The following CTNNA3 variants were observed in gnomAD, a reference collection of about 807,000 sequenced individuals.
CTNNA3 encodes catenin alpha-3.
A neutral mutation model predicts 95.7 loss-of-function variants in CTNNA3; 76 were observed. The observed-to-expected ratio is 0.79, with a 90% CI of 0.66 to 0.96. The LOEUF (loss-of-function observed/expected upper bound fraction) is 0.96. CTNNA3 is among the 40% of genes least tolerant of loss of function. CTNNA3 has a pLI of 0.00. For missense variants in CTNNA3, 1,191 were observed against 1,089.8 expected, an observed-to-expected ratio of 1.09 and a Z score of -1.31; for synonymous variants, 431 against 374.4, an observed-to-expected ratio of 1.15 and a Z score of -1.74.
chr10:66,219,859 C>T (rs1246194837), intron 13 of CTNNA3, among the ~76,000 whole-genome samples: 1 of 152,160 alleles, frequency 6.6e-6, no homozygotes, highest in South Asian at 2.1e-4. Context: ...TGCAGTGGCT[C>T]ACACCTGTAA....
chr10:66,018,072 C>A (rs1307314136), intron 15 of CTNNA3, among the ~76,000 whole-genome samples: 1 of 151,896 alleles, frequency 6.6e-6, no homozygotes, highest in South Asian at 2.1e-4. Context: ...CGTCCAGAAA[C>A]AAGTGTGACA....
At chr10:66,383,384 C>T (rs1054734458) in intron 11 of CTNNA3, among the ~76,000 whole-genome samples, 2 of 151,914 alleles carry the variant, frequency 1.3e-5, no homozygotes, top group Admixed American at 6.6e-5. Context: ...AGTGAGAAGA[C>T]AAGGTTAGAC....
In CTNNA3 at chr10:67,629,939, G is replaced by A. The variant is rs886389870; in HGVS notation, c.99+17476C>T. Among the ~76,000 whole-genome samples, 5 of 152,040 alleles carry A rather than the reference G, an allele frequency of 3.3e-5. No homozygotes were observed. In the East Asian group the frequency reaches 9.6e-4, roughly 29 times the overall value. On this transcript the variant is annotated intron_variant, in intron 2 of 17. Transcript: ENST00000433211. ...ACCTAATAGAACTGTTTAACCCTAGGTACTAACTGCTTAAATCTCAGAATA... is the reference window on the plus strand; with the variant it reads ...ACCTAATAGAACTGTTTAACCCTAGATACTAACTGCTTAAATCTCAGAATA...
At chr10:66,866,219 C>G (rs1018520371) in intron 7 of CTNNA3, among the ~76,000 whole-genome samples, 3 of 152,170 alleles carry the variant, frequency 2.0e-5, no homozygotes, top group Non-Finnish European at 2.9e-5. Context: ...TCCTGCCTGT[C>G]AGTACAGGGC....
intron 2 of CTNNA3, among the ~76,000 whole-genome samples, chr10:67,630,159 A>G (rs377753778): frequency 1.3e-5 from 2 of 152,198 alleles, no homozygotes; most frequent in Admixed American, 6.5e-5. Context: ...TGGAGACTTA[A>G]CAAAAGGAAC....
intron 12 of CTNNA3, among the ~76,000 whole-genome samples, chr10:66,311,721 A>T (rs1203505054): frequency 6.6e-6 from 1 of 152,212 alleles, no homozygotes; most frequent in Non-Finnish European, 1.5e-5. Flanking sequence ...ACAACTAAAA[A>T]TTTCTACATG....
At chr10:67,447,807 G>C (rs1421960846) in intron 5 of CTNNA3, among the ~76,000 whole-genome samples, 1 of 152,114 alleles carries the variant, frequency 6.6e-6, no homozygotes, top group South Asian at 2.1e-4. Flanking sequence ...GTCTCCCCAA[G>C]AGCAGAGACT....
intron 12 of CTNNA3, among the ~76,000 whole-genome samples, chr10:66,289,452 G>A (rs1433923181): frequency 6.6e-6 from 1 of 151,224 alleles, no homozygotes; most frequent in African/African-American, 2.4e-5. Context: ...TTAACTTCGG[G>A]GAGCCCAAAT....
intron 3 of CTNNA3, among the ~76,000 whole-genome samples, chr10:67,604,595 G>A (rs575220559): frequency 6.6e-6 from 1 of 152,254 alleles, no homozygotes; most frequent in African/African-American, 2.4e-5. Context: ...GAGACAACAA[G>A]GAGAAAAAAT....
At chr10:66,690,932 C>A (rs572956918) in intron 9 of CTNNA3, among the ~76,000 whole-genome samples, 1 of 152,302 alleles carries the variant, frequency 6.6e-6, no homozygotes, top group South Asian at 2.1e-4. Flanking sequence ...AGTTTGCAGT[C>A]CCACCAACAG....
intron 10 of CTNNA3, among the ~76,000 whole-genome samples, chr10:66,612,574 G>A (rs904688104): frequency 6.6e-6 from 1 of 152,030 alleles, no homozygotes; most frequent in Non-Finnish European, 1.5e-5. Context: ...GGGGGAGGTG[G>A]AAGTTGTGTC....
At chr10:66,002,969 AC>A (rs1245648569) in intron 15 of CTNNA3, among the ~76,000 whole-genome samples, 1 of 152,202 alleles carries the variant, frequency 6.6e-6, no homozygotes, top group Non-Finnish European at 1.5e-5. Flanking sequence ...CATTTCAGCA[AC>A]AAAAGGCTGT....
intron 16 of CTNNA3, among the ~76,000 whole-genome samples, chr10:65,977,544 G>A (rs1298906161): frequency 6.6e-6 from 1 of 152,078 alleles, no homozygotes; most frequent in East Asian, 1.9e-4. Flanking sequence ...ATTTTGGGAG[G>A]CTGAGGCAGG....
At chr10:66,209,426 A>T (rs528214985) in intron 13 of CTNNA3, among the ~76,000 whole-genome samples, 1 of 152,202 alleles carries the variant, frequency 6.6e-6, no homozygotes, top group Non-Finnish European at 1.5e-5. Context: ...CCTAAGGTAC[A>T]TCTCAATGAT....
At chr10:67,404,902 A>G (rs1358099564) in intron 5 of CTNNA3, among the ~76,000 whole-genome samples, 1 of 152,220 alleles carries the variant, frequency 6.6e-6, no homozygotes, top group Non-Finnish European at 1.5e-5. Context: ...ATTGGGGGAC[A>G]ATATTCAACA....
At chr10:66,363,785 A>G (rs577967259) in intron 12 of CTNNA3, among the ~76,000 whole-genome samples, 1 of 152,318 alleles carries the variant, frequency 6.6e-6, no homozygotes, top group East Asian at 1.9e-4. Flanking sequence ...ATCACATGAA[A>G]TCTAACCAAG....
intron 7 of CTNNA3, among the ~76,000 whole-genome samples, chr10:67,026,301 T>C (rs1445910310): frequency 6.6e-6 from 1 of 152,082 alleles, no homozygotes; most frequent in Non-Finnish European, 1.5e-5. Context: ...CTTATGACCA[T>C]CTGGCAATCC....
upstream of CTNNA3, among the ~76,000 whole-genome samples, chr10:67,700,597 A>C (rs1346435231): frequency 6.6e-6 from 1 of 152,212 alleles, no homozygotes; most frequent in Non-Finnish European, 1.5e-5. Flanking sequence ...AACAAACAGA[A>C]AGGACATCCA....
At chr10:66,876,275 T>C (rs993034791) in intron 7 of CTNNA3, among the ~76,000 whole-genome samples, 1 of 152,072 alleles carries the variant, frequency 6.6e-6, no homozygotes, top group African/African-American at 2.4e-5. Flanking sequence ...ACTGAGCATA[T>C]ATTAGGATAA....
Sources: gnomAD v4.1 joint callset for allele counts (sites outside exome capture counted in the v4.1 genomes callset) on GRCh38, gnomAD v4.1.1 for gene constraint, MANE v1.5 for transcripts, NCBI Gene and HGNC (gene_info 2026-07-23, HGNC 2026-07-21) for gene names.